CRTAC1: variants seen among roughly 807,000 people sequenced by gnomAD.
The protein encoded by CRTAC1 is acidic secreted protein in cartilage.
A neutral mutation model predicts 67.8 loss-of-function variants in CRTAC1; 37 were observed. The observed-to-expected ratio is 0.55, with a 90% CI of 0.42 to 0.72. The LOEUF (loss-of-function observed/expected upper bound fraction) is 0.72. Among genes scored for constraint, CRTAC1 ranks in the 30% least tolerant of loss-of-function variants. The probability of loss-of-function intolerance (pLI) is 0.00; values close to 1 mark genes in which losing one functional copy is unlikely to be tolerated. For synonymous variants in CRTAC1, 348 were observed against 371.0 expected (o/e 0.94, Z 0.71); for missense variants, 780 against 931.6 (o/e 0.84, Z 2.12).
intron 1 of CRTAC1, among the ~76,000 whole-genome samples, chr10:98,023,255 G>A (rs1365931685): frequency 2.0e-5 from 3 of 152,210 alleles, no homozygotes; most frequent in Admixed American, 6.5e-5. Context: ...GTCCTCAAGC[G>A]CTGCTTGATC....
intron 3 of CRTAC1, among the ~76,000 whole-genome samples, chr10:97,932,925 G>A (rs959234881): frequency 6.6e-6 from 1 of 152,222 alleles, no homozygotes; most frequent in African/African-American, 2.4e-5. Flanking sequence ...ACTCCCACAG[G>A]ATGTTGTTGG....
intron 4 of CRTAC1, among the ~76,000 whole-genome samples, chr10:97,921,185 T>A (rs2050831196): frequency 6.6e-6 from 1 of 152,110 alleles, no homozygotes; most frequent in Admixed American, 6.5e-5. Flanking sequence ...GGGCGGGGCC[T>A]GAGAATGTGC....
intron 4 of CRTAC1, 98 bp from the exon 5 acceptor site, chr10:97,917,754 G>C (rs1409937480): frequency 1.6e-5 from 16 of 1,015,918 alleles, no homozygotes; most frequent in Non-Finnish European, 2.2e-5. Flanking sequence ...CTCTTTCACA[G>C]GGTTGGGTTC....
intron 6 of CRTAC1, 40 bp from the exon 7 acceptor site, chr10:97,904,854 T>C: frequency 6.4e-7 from 1 of 1,557,786 alleles, no homozygotes; most frequent in Non-Finnish European, 8.6e-7. Flanking sequence ...CGGCATCCCC[T>C]GCACACTCCA....
In CRTAC1 at chr10:97,899,254, G is replaced by A. The variant is rs192102505; in HGVS notation, c.1133+2249C>T. Among the ~76,000 whole-genome samples the A allele has an allele frequency of 5.3e-5, 8 of 152,354 alleles. No homozygotes were observed. The East Asian group carries it at 5.8e-4, about 11-fold the overall frequency. ...CCACAGGGACTTGGGGCACAGCCAC[G>A]TACCTGGGAAGTGGCTTCTGCTGCT... On this transcript the variant is annotated intron_variant, in intron 8 of 14. Transcript: ENST00000370597.
intron 1 of CRTAC1, among the ~76,000 whole-genome samples, chr10:98,012,302 G>A (rs538885486): frequency 9.2e-5 from 14 of 152,238 alleles, no homozygotes; most frequent in African/African-American, 3.4e-4. Flanking sequence ...AGGAGGTGGA[G>A]GGATTCCACC....
intron 11 of CRTAC1, among the ~76,000 whole-genome samples, chr10:97,893,588 T>C (rs906593087): frequency 1.3e-5 from 2 of 152,196 alleles, no homozygotes; most frequent in South Asian, 2.1e-4. Context: ...AAAATAATTA[T>C]AGATTCACAG....
chr10:97,971,346 A>T (rs1237062173), intron 2 of CRTAC1, among the ~76,000 whole-genome samples: 3 of 152,260 alleles, frequency 2.0e-5, no homozygotes. Flanking sequence ...AAATTCTGAC[A>T]CATGCTACAG....
rs1209329666 is a variant in CRTAC1, at chr10:97,923,361, T to C, written c.461A>G (p.Asn154Ser). The C allele has an allele frequency of 1.2e-6, 2 of 1,613,954 alleles. No homozygotes were observed. Among genetic ancestry groups the C allele is most frequent in the Non-Finnish European group, 1.7e-6 (2 of 1,180,036 alleles). Residue 154 changes from asparagine to serine, a missense_variant, in exon 4 of 15, where the codon AAT (asparagine) becomes AGT (serine). By Grantham distance (46) the Asn-to-Ser change is conservative. Transcript: ENST00000370597. Reference sequence around the variant, plus strand: ...GCTCAGGATGTCTTCCCACCGGTTATTGCGGAACTTGAACAACTTGTCGGT... The same window carrying C: ...GCTCAGGATGTCTTCCCACCGGTTACTGCGGAACTTGAACAACTTGTCGGT... The part of the protein sequence containing the change: ...TYTDKLFKFR[N>S]NRWEDILSDE...
At chr10:97,880,854 C>T (rs1206939652) in intron 13 of CRTAC1, among the ~76,000 whole-genome samples, 3 of 152,136 alleles carry the variant, frequency 2.0e-5, no homozygotes, top group South Asian at 2.1e-4. Context: ...GCTCAATCAA[C>T]ACCCCCATCA....
At position 97,895,779 on chromosome 10, in the gene CRTAC1, C is replaced by T; in HGVS notation, c.1317+106G>A. 2.2e-6 allele frequency: 2 copies of T among 897,730 alleles called. No homozygotes were observed. Among genetic ancestry groups the T allele is most frequent in the South Asian group, 1.6e-5 (1 of 61,608 alleles). 55.6% of individuals were successfully genotyped at this position (897,730 alleles called of 1,614,324 possible). On this transcript the variant is annotated intron_variant, in intron 10 of 14. Transcript: ENST00000370597. The surrounding 1 kb of genome is among the most constrained non-coding windows in gnomAD (Gnocchi z 4.2). ...CCTCCAGGGCCCGGGACTTCCATTA[C>T]CCACCATGCTGGCCAAGCCAGCACC...
chr10:98,014,217 G>A lies in CRTAC1; in HGVS notation c.25-2880C>T, dbSNP rs996887991. Among the ~76,000 whole-genome samples, 6 of 152,262 alleles carry A rather than the reference G, an allele frequency of 3.9e-5. No homozygotes were observed. In the East Asian group the frequency reaches 5.8e-4, roughly 15 times the overall value. On this transcript the variant is annotated intron_variant, in intron 1 of 14. Coordinates refer to ENST00000370597, the MANE Select transcript of CRTAC1 (RefSeq NM_018058.7). ...AGAGCAGTCGGCAGACCAGTGCATC[G>A]GCATCACTTAGGAGCTTGTTGGAAA...
chr10:97,910,344 C>T (rs2050673148), intron 5 of CRTAC1, among the ~76,000 whole-genome samples: 1 of 152,214 alleles, frequency 6.6e-6, no homozygotes, highest in South Asian at 2.1e-4. Context: ...TGCAGCCTTG[C>T]TGCTCAGAGC....
intron 11 of CRTAC1, among the ~76,000 whole-genome samples, chr10:97,891,403 C>T (rs938494095): frequency 3.9e-5 from 6 of 152,240 alleles, no homozygotes; most frequent in African/African-American, 1.4e-4. Flanking sequence ...CCTCGTCCAC[C>T]CCTTCTAAGC....
At chr10:97,867,976 C>T (rs527413228) in intron 14 of CRTAC1, 3 of 152,310 alleles carry the variant, frequency 2.0e-5, no homozygotes, top group Admixed American at 1.3e-4. Flanking sequence ...GGACTGAAAG[C>T]GAGGCCAAAA....
intron 11 of CRTAC1, among the ~76,000 whole-genome samples, chr10:97,886,631 G>T (rs1296609106): frequency 2.1e-5 from 3 of 140,934 alleles, no homozygotes; most frequent in African/African-American, 7.8e-5. Flanking sequence ...GCCAACTACA[G>T]ATTTTTTTTT....
At position 98,018,903 on chromosome 10, in the gene CRTAC1, T is replaced by G. The variant is rs185841490; in HGVS notation, c.25-7566A>C. ...AACTCAAGCAACACTGGAGAAGAGC[T>G]AACAGGAGCTGCCCTGGGTCTTCAC... On this transcript the variant is annotated intron_variant, in intron 1 of 14. Transcript: ENST00000370597. 2.0e-5 allele frequency among the ~76,000 whole-genome samples: 3 copies of G among 152,252 alleles called. No individual in the cohort carries two copies. In the East Asian group the frequency reaches 5.8e-4, roughly 29 times the overall value.
At position 97,882,898 on chromosome 10, in the gene CRTAC1, C is replaced by T. The variant is rs2050235013; in HGVS notation, c.1633-70G>A. On this transcript the variant is annotated intron_variant, in intron 12 of 14. Transcript: ENST00000370597. ...CCCATCCCAGGTTCCCTCCTAGTCA[C>T]AGCCACAGAGTAGTTGTCACCCTAA... 8.0e-6 allele frequency: 12 copies of T among 1,509,212 alleles called. No individual in the cohort carries two copies. In the South Asian group the frequency reaches 1.3e-4, roughly 16 times the overall value. 93.5% of individuals were successfully genotyped at this position (1,509,212 alleles called of 1,614,324 possible).
At chr10:97,933,711 A>G (rs2051038401) in intron 3 of CRTAC1, among the ~76,000 whole-genome samples, 1 of 152,254 alleles carries the variant, frequency 6.6e-6, no homozygotes, top group Non-Finnish European at 1.5e-5. Context: ...CTCAGTCCCT[A>G]GAATAGTAGG....
Sources: allele counts gnomAD v4.1 joint callset (sites outside exome capture counted in the v4.1 genomes callset), GRCh38; gene constraint gnomAD v4.1.1; non-coding constraint Gnocchi (gnomAD v3.1); transcripts MANE v1.5; gene names NCBI Gene and HGNC (gene_info 2026-07-23, HGNC 2026-07-21).